MAST4: variants seen among roughly 807,000 people sequenced by gnomAD.
MAST4 encodes microtubule associated serine/threonine kinase family member 4.
Under a neutral mutation model 162.7 loss-of-function variants are expected in MAST4, and 89 were observed. That is an observed-to-expected ratio of 0.55 (90% confidence interval 0.46 to 0.65). The LOEUF (loss-of-function observed/expected upper bound fraction) is 0.65, where lower values mean the gene tolerates loss of function less well. MAST4 is among the 30% of genes least tolerant of loss of function. The pLI is 0.00. For synonymous variants in MAST4, 1,479 were observed against 1,361.1 expected, an observed-to-expected ratio of 1.09 and a Z score of -1.91; for missense variants, 3,153 against 3,374.0, an observed-to-expected ratio of 0.93 and a Z score of 1.62.
At chr5:66,625,549 A>G (rs1337660086) in intron 1 of MAST4, among the ~76,000 whole-genome samples, 1 of 152,232 alleles carries the variant, frequency 6.6e-6, no homozygotes, top group Non-Finnish European at 1.5e-5. Flanking sequence ...GTACTTGTCA[A>G]AAGAGAAAAT....
At chr5:66,931,138 A>T (rs746332794) in intron 4 of MAST4, among the ~76,000 whole-genome samples, 1 of 152,176 alleles carries the variant, frequency 6.6e-6, no homozygotes, top group Non-Finnish European at 1.5e-5. Context: ...TCACAATGAT[A>T]TGAGACCCTA....
chr5:66,901,876 C>T (rs902066076), intron 4 of MAST4, among the ~76,000 whole-genome samples: 43 of 152,032 alleles, frequency 2.8e-4, no homozygotes, highest in African/African-American at 2.9e-4. Flanking sequence ...TACAGAATGC[C>T]AGTAATTACT....
chr5:66,964,386 T>G (rs1746396442), intron 4 of MAST4, among the ~76,000 whole-genome samples: 1 of 152,206 alleles, frequency 6.6e-6, no homozygotes, highest in Non-Finnish European at 1.5e-5. Flanking sequence ...ATAGTATCTA[T>G]GGTATGTATA....
chr5:66,967,327 G>A (rs908341342), intron 4 of MAST4, among the ~76,000 whole-genome samples: 6 of 152,156 alleles, frequency 3.9e-5, no homozygotes, highest in Non-Finnish European at 7.3e-5. Flanking sequence ...TCCATCTCCA[G>A]CGGAACTCCA....
At chr5:67,138,358 G>GC (rs1213880403) in intron 19 of MAST4, among the ~76,000 whole-genome samples, 1 of 152,116 alleles carries the variant, frequency 6.6e-6, no homozygotes, top group East Asian at 1.9e-4. Context: ...TGTTATGAAT[G>GC]CGTACTGCCC....
chr5:66,619,360 T>C (rs1335560521), intron 1 of MAST4, among the ~76,000 whole-genome samples: 3 of 151,764 alleles, frequency 2.0e-5, no homozygotes, highest in South Asian at 2.1e-4. Flanking sequence ...TCAGGTCTTA[T>C]CAACCTTCGT....
chr5:66,640,013 A>T (rs1396192278), intron 1 of MAST4, among the ~76,000 whole-genome samples: 1 of 152,162 alleles, frequency 6.6e-6, no homozygotes, highest in Non-Finnish European at 1.5e-5. Flanking sequence ...TATAGTCCCC[A>T]TGCTGTACAT....
chr5:67,152,877 C>A lies in MAST4; in HGVS notation c.3525+11C>A. 1 of 1,598,294 alleles carries A rather than the reference C, an allele frequency of 6.3e-7. No homozygotes were observed. The highest frequency in any genetic ancestry group is 8.6e-7 in the Non-Finnish European group (1 of 1,166,570). ...CACCATATCGTCTGGGTAAGACCTG[C>A]ATGTCTCGCACTTGGGATTTTTCAT... On this transcript the variant is annotated intron_variant, in intron 25 of 28. Transcript: ENST00000403625.
intron 1 of MAST4, among the ~76,000 whole-genome samples, chr5:66,757,366 A>T (rs1180622039): frequency 6.6e-6 from 1 of 152,210 alleles, no homozygotes; most frequent in Non-Finnish European, 1.5e-5. Flanking sequence ...ATTTACTAGG[A>T]CTATTAAATA....
chr5:66,841,485 T>C (rs984383177), intron 3 of MAST4, among the ~76,000 whole-genome samples: 1 of 152,192 alleles, frequency 6.6e-6, no homozygotes, highest in African/African-American at 2.4e-5. Flanking sequence ...CCCACAGTTC[T>C]GGAGACTCAG....
At chr5:67,099,105 G>T (rs553607426) in intron 7 of MAST4, among the ~76,000 whole-genome samples, 1 of 152,088 alleles carries the variant, frequency 6.6e-6, no homozygotes, top group Non-Finnish European at 1.5e-5. Context: ...AATTCTGTTT[G>T]TCTATTTGCT....
chr5:66,971,443 T>C (rs1747423716), intron 4 of MAST4, among the ~76,000 whole-genome samples: 1 of 152,162 alleles, frequency 6.6e-6, no homozygotes, highest in Non-Finnish European at 1.5e-5. Flanking sequence ...TTCAGAGGGC[T>C]CTGGGAGCCC....
intron 1 of MAST4, among the ~76,000 whole-genome samples, chr5:66,604,455 T>C (rs1033111046): frequency 2.4e-4 from 36 of 152,232 alleles, no homozygotes; most frequent in Admixed American, 2.6e-4. Flanking sequence ...GAAGATGGAA[T>C]ACTGATAAAT....
chr5:66,789,988 A>ATTTTTTTTTTTT lies in MAST4; in HGVS notation c.642+1213_642+1224dup, dbSNP rs57743987. The stretch of plus-strand genomic sequence containing the variant: ...CTTTATGTTTAACATGCTTATTAGA[A>ATTTTTTTTTTTT]TTTTTTTTTTTTTTTTTTTTTTTTT... On this transcript the variant is annotated intron_variant, in intron 3 of 28. Coordinates refer to ENST00000403625, the MANE Select transcript of MAST4 (RefSeq NM_001164664.2). Among the ~76,000 whole-genome samples, 60 of 52,472 alleles carry ATTTTTTTTTTTT rather than the reference A, an allele frequency of 1.1e-3. 4 individuals carry two copies. The highest frequency in any genetic ancestry group is 1.4e-3 in the African/African-American group (12 of 8,750). The allele number at this position is 52,472 out of a possible 152,430, so 34.4% of individuals were successfully genotyped here.
chr5:67,049,236 G>A (rs1757877856), intron 4 of MAST4, among the ~76,000 whole-genome samples: 1 of 151,252 alleles, frequency 6.6e-6, no homozygotes, highest in African/African-American at 2.4e-5. Context: ...GAAACAAATA[G>A]CACAAATGAT....
chr5:67,042,039 A>G (rs1756805441), intron 4 of MAST4, among the ~76,000 whole-genome samples: 1 of 152,188 alleles, frequency 6.6e-6, no homozygotes, highest in Non-Finnish European at 1.5e-5. Context: ...TCATGGCTGC[A>G]TTCTCTTAAG....
intron 3 of MAST4, chr5:66,828,907 A>G: frequency 6.4e-7 from 1 of 1,565,350 alleles, no homozygotes. Context: ...CATTCTTGAC[A>G]TGTAGCATTG....
rs188398029 is a variant in MAST4 at position 67,021,455 on chromosome 5, G to A, written c.675-32949G>A. Among the ~76,000 whole-genome samples, 677 of 151,520 alleles carry A rather than the reference G, an allele frequency of 4.5e-3. 11 individuals are homozygous for A. The highest frequency in any genetic ancestry group is 0.031 in the Admixed American group (475 of 15,262). On this transcript the variant is annotated intron_variant, in intron 4 of 28. Coordinates refer to ENST00000403625, the MANE Select transcript of MAST4 (RefSeq NM_001164664.2). ...AGCTTCTAAACACATTTGAAAATAC[G>A]CTAAAAAAAAATCATTACAAATTGC...
chr5:66,828,642 C>T (rs1044089273), intron 3 of MAST4: 39 of 644,174 alleles, frequency 6.1e-5, no homozygotes, highest in Middle Eastern at 8.7e-4. Flanking sequence ...TTGCTGCTCT[C>T]TCCCACCGAA....
Sources: allele counts gnomAD v4.1 joint callset (sites outside exome capture counted in the v4.1 genomes callset), GRCh38; gene constraint gnomAD v4.1.1; transcripts MANE v1.5; gene names NCBI Gene and HGNC (gene_info 2026-07-23, HGNC 2026-07-21).